Variants in GRID1 observed in about 807,000 individuals in gnomAD.
The protein encoded by GRID1 is glutamate ionotropic receptor delta type subunit 1, also known as glutamate receptor ionotropic, delta-1.
In GRID1, 28 loss-of-function variants were observed where a neutral mutation model predicts 98.0. The ratio of observed to expected loss-of-function variants is 0.29; its 90% CI spans 0.21 to 0.39. The LOEUF is 0.39. Ranked by LOEUF, GRID1 falls within the 10% of genes least tolerant of loss-of-function variation. The probability of loss-of-function intolerance (pLI) is 1.00; values close to 1 mark genes in which losing one functional copy is unlikely to be tolerated. For synonymous variants in GRID1, 553 were observed against 538.5 expected, an observed-to-expected ratio of 1.03 and a Z score of -0.37; for missense variants, 1,111 against 1,340.5, an observed-to-expected ratio of 0.83 and a Z score of 2.67.
At chr10:85,814,899 C>A (rs559817048) in intron 8 of GRID1, among the ~76,000 whole-genome samples, 3 of 152,084 alleles carry the variant, frequency 2.0e-5, no homozygotes, top group East Asian at 1.9e-4. Flanking sequence ...TTTACCAACT[C>A]TTTTTATGAG....
intron 2 of GRID1, among the ~76,000 whole-genome samples, chr10:86,284,829 A>G (rs562678162): frequency 6.6e-6 from 1 of 152,288 alleles, no homozygotes; most frequent in African/African-American, 2.4e-5. Flanking sequence ...GAGATGGCAG[A>G]GTGGGCAGTG....
At chr10:86,269,635 C>G (rs1339003461) in intron 2 of GRID1, among the ~76,000 whole-genome samples, 1 of 152,214 alleles carries the variant, frequency 6.6e-6, no homozygotes, top group African/African-American at 2.4e-5. Context: ...CTCATCCTCC[C>G]TGGTCACAGC....
intron 8 of GRID1, among the ~76,000 whole-genome samples, chr10:85,797,416 TTTTTA>T (rs1356881118): frequency 2.0e-5 from 3 of 151,940 alleles, no homozygotes; most frequent in South Asian, 2.1e-4. Flanking sequence ...TCTGTACTTA[TTTTTA>T]TTTTATTTTA....
At chr10:86,188,441 T>C (rs6585999) in intron 3 of GRID1, among the ~76,000 whole-genome samples, 9,944 of 152,184 alleles carry the variant, frequency 0.065, 681 homozygotes, top group African/African-American at 0.17. Context: ...GTCCTGTCCA[T>C]ACCTTCCATT....
intron 4 of GRID1, among the ~76,000 whole-genome samples, chr10:86,090,181 G>A (rs541857990): frequency 1.1e-4 from 16 of 152,040 alleles, no homozygotes; most frequent in South Asian, 2.1e-4. Flanking sequence ...ACTTTGGGAG[G>A]TCGAGGTGGG....
At chr10:86,071,913 G>A (rs911849497) in intron 4 of GRID1, among the ~76,000 whole-genome samples, 1 of 152,216 alleles carries the variant, frequency 6.6e-6, no homozygotes, top group African/African-American at 2.4e-5. Flanking sequence ...AAATGTTGAA[G>A]GGTGAAAGGA....
intron 2 of GRID1, among the ~76,000 whole-genome samples, chr10:86,297,713 T>C (rs572311227): frequency 9.2e-5 from 14 of 152,292 alleles, no homozygotes; most frequent in South Asian, 2.1e-4. Context: ...CAGGCAGCGT[T>C]GATAACTATA....
At position 85,968,450 on chromosome 10, in the gene GRID1, C is replaced by CAAAA. The variant is rs56938729; in HGVS notation, c.727-52215_727-52212dup. 2.6e-3 allele frequency among the ~76,000 whole-genome samples: 267 copies of CAAAA among 102,276 alleles called. 3 individuals are homozygous for CAAAA. Among genetic ancestry groups the CAAAA allele is most frequent in the South Asian group, 0.024 (73 of 3,064 alleles). The allele number at this position is 102,276 out of a possible 152,430, so 67.1% of individuals were successfully genotyped here. ...TGGACGACACAGCAAGACTCTGTCT[C>CAAAA]AAAAAAAAAAAAAAAAAAAAGACAA... On this transcript the variant is annotated intron_variant, in intron 4 of 15. Transcript: ENST00000327946.
intron 15 of GRID1, among the ~76,000 whole-genome samples, chr10:85,608,048 G>A (rs1842692868): frequency 6.6e-6 from 1 of 151,938 alleles, no homozygotes; most frequent in African/African-American, 2.4e-5. Context: ...CCAACTCCTG[G>A]CTTCAAGCAA....
At chr10:86,254,591 G>C (rs1214374603) in intron 2 of GRID1, among the ~76,000 whole-genome samples, 3 of 152,182 alleles carry the variant, frequency 2.0e-5, no homozygotes, top group Non-Finnish European at 2.9e-5. Flanking sequence ...GCCCCATAGT[G>C]CGGGAGCCTG....
In GRID1 at chr10:85,692,525, T is replaced by A. The variant is rs113426300; in HGVS notation, c.1997+30478A>T. Among the ~76,000 whole-genome samples the A allele has an allele frequency of 2.9e-3, 442 of 151,638 alleles. 4 individuals carry two copies. The highest frequency in any genetic ancestry group is 9.8e-3 in the African/African-American group (406 of 41,336). On this transcript the variant is annotated intron_variant, in intron 12 of 15. Transcript: ENST00000327946. ...AAAAAATGCAAAAATTAGCCAGTTGTGATGGCGTGTGCCTGTGGTCCCAGC... is the reference window on the plus strand; with the variant it reads ...AAAAAATGCAAAAATTAGCCAGTTGAGATGGCGTGTGCCTGTGGTCCCAGC...
Position 86,258,613 on chromosome 10 carries a change from C to T in GRID1, c.236-51965G>A, listed in dbSNP as rs147022438. On this transcript the variant is annotated intron_variant, in intron 2 of 15. Transcript: ENST00000327946. ...GAGGGAAAAACAAACCATGTGGCAG[C>T]TCTTAGAGCTTGTTCAAAAGAGGCC... 1.5e-4 allele frequency among the ~76,000 whole-genome samples: 23 copies of T among 152,292 alleles called. No individual in the cohort carries two copies. In the East Asian group the frequency reaches 4.4e-3, roughly 29 times the overall value.
At chr10:85,746,044 C>T (rs1004590986) in intron 8 of GRID1, among the ~76,000 whole-genome samples, 45 of 152,170 alleles carry the variant, frequency 3.0e-4, no homozygotes, top group Admixed American at 2.4e-3. Context: ...CTCCTCCTTA[C>T]AAATGGTAAT....
At chr10:85,786,623 A>G (rs1700598203) in intron 8 of GRID1, among the ~76,000 whole-genome samples, 2 of 152,068 alleles carry the variant, frequency 1.3e-5, no homozygotes, top group African/African-American at 4.8e-5. Context: ...GCTTATTTCT[A>G]TTGGCAATCT....
In GRID1 at chr10:85,677,550, T is replaced by C. The variant is rs180998590; in HGVS notation, c.1998-30153A>G. ...AACAGCGTTGTGAAGAAGGGATTGA[T>C]ATTTCTATCTAAAAGCCAGGGGAAA... On this transcript the variant is annotated intron_variant, in intron 12 of 15. Coordinates refer to ENST00000327946, the MANE Select transcript of GRID1 (RefSeq NM_017551.3). Among the ~76,000 whole-genome samples the C allele has an allele frequency of 6.6e-4, 101 of 152,354 alleles. 1 individual carries two copies. Among genetic ancestry groups the C allele is most frequent in the Admixed American group, 2.4e-3 (37 of 15,302 alleles).
At chr10:85,861,181 G>A (rs1005548317) in intron 6 of GRID1, among the ~76,000 whole-genome samples, 22 of 152,072 alleles carry the variant, frequency 1.4e-4, no homozygotes, top group Admixed American at 5.2e-4. Context: ...AACACCACTC[G>A]TTCTCTCCCA....
intron 8 of GRID1, among the ~76,000 whole-genome samples, chr10:85,827,412 A>C (rs1842829821): frequency 6.6e-6 from 1 of 152,202 alleles, no homozygotes; most frequent in Non-Finnish European, 1.5e-5. Flanking sequence ...CTCTTAATTA[A>C]ATCAGTCAGA....
rs551429344 is a variant in GRID1 at position 85,887,466 on chromosome 10, G to A, written c.781-18286C>T. On this transcript the variant is annotated intron_variant, in intron 5 of 15. Coordinates refer to ENST00000327946, the MANE Select transcript of GRID1 (RefSeq NM_017551.3). ...TTTTGTTTCCTAAAGTGAGATCCAT[G>A]GGCCAACAGTATCAGCATCATCTCA... 1.7e-4 allele frequency among the ~76,000 whole-genome samples: 26 copies of A among 152,304 alleles called. 2 individuals carry two copies. Among genetic ancestry groups the A allele is most frequent in the African/African-American group, 5.8e-4 (24 of 41,564 alleles).
chr10:86,053,484 G>A (rs1843530688), intron 4 of GRID1, among the ~76,000 whole-genome samples: 2 of 151,772 alleles, frequency 1.3e-5, no homozygotes, highest in African/African-American at 4.8e-5. Flanking sequence ...CAGCCTCCTT[G>A]AGTAGCTGGG....
Sources: allele counts gnomAD v4.1 joint callset (sites outside exome capture counted in the v4.1 genomes callset), GRCh38; gene constraint gnomAD v4.1.1; transcripts MANE v1.5; gene names NCBI Gene and HGNC (gene_info 2026-07-23, HGNC 2026-07-21).